The following FAM13A variants were observed in gnomAD, a reference collection of about 807,000 sequenced individuals.
FAM13A encodes the protein family with sequence similarity 13 member A.
FAM13A carries 76 observed loss-of-function variants against 129.6 expected under a neutral mutation model. The observed-to-expected ratio is 0.59, with a 90% CI of 0.49 to 0.71. FAM13A has a LOEUF of 0.71. FAM13A is among the 30% of genes least tolerant of loss of function. The pLI is 0.00. For missense variants in FAM13A, 1,108 were observed against 1,249.3 expected (o/e 0.89, Z 1.70); for synonymous variants, 443 against 449.9 (o/e 0.98, Z 0.20).
chr4:88,949,905 A>G (rs988269371), intron 4 of FAM13A, among the ~76,000 whole-genome samples: 1 of 152,194 alleles, frequency 6.6e-6, no homozygotes, highest in Non-Finnish European at 1.5e-5. Context: ...ATAAAACGTC[A>G]TAAGTGAAAG....
At chr4:88,961,602 TG>T (rs1437585584) in intron 4 of FAM13A, among the ~76,000 whole-genome samples, 2 of 151,932 alleles carry the variant, frequency 1.3e-5, no homozygotes, top group East Asian at 3.9e-4. Flanking sequence ...CTCCTGACCT[TG>T]TGATCTGCCC....
intron 3 of FAM13A, among the ~76,000 whole-genome samples, chr4:89,000,565 T>C (rs955242019): frequency 3.3e-5 from 5 of 152,204 alleles, no homozygotes; most frequent in African/African-American, 1.2e-4. Context: ...GGCATACGGT[T>C]TCTTTCTGGG....
intron 4 of FAM13A, among the ~76,000 whole-genome samples, chr4:88,948,267 GTTTAAC>G (rs1407629156): frequency 2.0e-5 from 3 of 152,116 alleles, no homozygotes; most frequent in East Asian, 1.9e-4. Context: ...TTGGAAAGCT[GTTTAAC>G]TTTAAACACT....
At position 88,728,646 on chromosome 4, in the gene FAM13A, C is replaced by T; in HGVS notation, c.2959G>A (p.Glu987Lys). 1 of 1,614,166 alleles carries T rather than the reference C, an allele frequency of 6.2e-7. No individual in the cohort carries two copies. Among genetic ancestry groups the T allele is most frequent in the South Asian group, 1.1e-5 (1 of 91,086 alleles). The change falls in exon 24 of 24, where the codon GAA (glutamate) becomes AAA (lysine). Residue 987 changes from glutamate to lysine, a missense_variant. By Grantham distance (56) the Glu-to-Lys change is moderately conservative. Around this residue, in one of 3 missense-constraint regions of FAM13A, gnomAD observed 529 missense variants for 621.2 expected, o/e 0.85. Coordinates refer to ENST00000264344, the MANE Select transcript of FAM13A (RefSeq NM_014883.4). ...FRQNGRNVQK[E>K]DRTPMAEEYS... is the part of the protein sequence containing the mutation. Reference sequence around the variant, plus strand: ...TCTTCAGCCATAGGAGTGCGGTCTTCCTTCTGGACATTTCTAATGCAAATA... The same window carrying T: ...TCTTCAGCCATAGGAGTGCGGTCTTTCTTCTGGACATTTCTAATGCAAATA...
At chr4:88,841,593 G>A (rs1302327435) in intron 7 of FAM13A, among the ~76,000 whole-genome samples, 1 of 150,532 alleles carries the variant, frequency 6.6e-6, no homozygotes, top group Middle Eastern at 3.2e-3. Context: ...CCAGAATAAA[G>A]AATTAACAGA....
At chr4:88,973,131 ATTTT>A (rs70959640) in intron 4 of FAM13A, among the ~76,000 whole-genome samples, 7 of 134,480 alleles carry the variant, frequency 5.2e-5, no homozygotes, top group Admixed American at 3.0e-4. Context: ...CCTAGGCATA[ATTTT>A]TTTTTTTTTT....
intron 3 of FAM13A, among the ~76,000 whole-genome samples, chr4:89,019,577 A>G (rs1276215617): frequency 7.9e-5 from 12 of 151,982 alleles, no homozygotes; most frequent in Non-Finnish European, 1.8e-4. Context: ...CCTGGCCAAC[A>G]TGGTGAAACC....
intron 2 of FAM13A, among the ~76,000 whole-genome samples, chr4:89,026,823 C>A (rs1452282809): frequency 6.6e-6 from 1 of 152,206 alleles, no homozygotes; most frequent in Non-Finnish European, 1.5e-5. Flanking sequence ...CCATATCAGT[C>A]ATCTACATGC....
intron 6 of FAM13A, among the ~76,000 whole-genome samples, chr4:88,889,808 G>A (rs1745051625): frequency 6.6e-6 from 1 of 152,172 alleles, no homozygotes; most frequent in Non-Finnish European, 1.5e-5. Flanking sequence ...GGGTCTTGCT[G>A]CCTAGGAATC....
chr4:88,853,622 A>G (rs555818161), intron 6 of FAM13A, among the ~76,000 whole-genome samples: 13 of 152,278 alleles, frequency 8.5e-5, no homozygotes, highest in Middle Eastern at 3.4e-3. Flanking sequence ...TTGTTTGACA[A>G]CATTTCATGG....
intron 1 of FAM13A, among the ~76,000 whole-genome samples, chr4:89,042,782 C>A (rs1303355565): frequency 6.6e-6 from 1 of 152,020 alleles, no homozygotes; most frequent in Non-Finnish European, 1.5e-5. Flanking sequence ...CCATTGATTT[C>A]TTTATCCAAA....
At chr4:88,895,906 C>A (rs1313223134) in intron 6 of FAM13A, among the ~76,000 whole-genome samples, 25 of 148,162 alleles carry the variant, frequency 1.7e-4, no homozygotes, top group African/African-American at 6.3e-4. Context: ...TTGACCCAGC[C>A]ATCGCATTAC....
At chr4:88,823,087 A>G (rs1342383859) in intron 7 of FAM13A, 3 of 1,596,442 alleles carry the variant, frequency 1.9e-6, no homozygotes, top group Admixed American at 1.8e-5. Context: ...ACGTCTTCTT[A>G]CAGTGGCTAA....
At position 88,805,037 on chromosome 4, in the gene FAM13A, T is replaced by C. The variant is rs1286965092; in HGVS notation, c.1023A>G (p.Glu341=). 1 of 1,547,582 alleles carries C rather than the reference T, an allele frequency of 6.5e-7. No homozygotes were observed. The highest frequency in any genetic ancestry group is 1.7e-5 in the Admixed American group (1 of 59,056). ...AKLVPSSQED[E]RPLSPFYLSA... ...TCAAATAGAAAGGTGACAGAGGTCT[T>C]TCATCTTCCTGTGAACTAAAAGGAA... is the stretch of plus-strand genomic sequence containing the variant. The change falls in exon 8 of 24, where the codon GAA becomes GAG. Residue 341 remains glutamate (E), a synonymous_variant. Coordinates refer to ENST00000264344, the MANE Select transcript of FAM13A (RefSeq NM_014883.4).
chr4:88,896,554 TA>T (rs1241342248), intron 6 of FAM13A, among the ~76,000 whole-genome samples: 1 of 152,236 alleles, frequency 6.6e-6, no homozygotes, highest in Non-Finnish European at 1.5e-5. Flanking sequence ...CAGGCATTTT[TA>T]AAAACATTAA....
intron 1 of FAM13A, among the ~76,000 whole-genome samples, chr4:89,050,496 G>T (rs1457898929): frequency 1.3e-5 from 2 of 152,072 alleles, no homozygotes; most frequent in African/African-American, 4.8e-5. Flanking sequence ...GTGAGCCACT[G>T]TGCCTGGACA....
At chr4:88,998,321 T>C (rs1763825841) in intron 3 of FAM13A, among the ~76,000 whole-genome samples, 1 of 152,194 alleles carries the variant, frequency 6.6e-6, no homozygotes. Flanking sequence ...ATAGAGAGAT[T>C]GATTAGCCTG....
At chr4:88,831,028 T>A (rs914689159) in intron 7 of FAM13A, among the ~76,000 whole-genome samples, 4 of 151,986 alleles carry the variant, frequency 2.6e-5, no homozygotes, top group Non-Finnish European at 5.9e-5. Context: ...TGAGGGACTA[T>A]AAAATTATCC....
At chr4:89,022,542 G>A (rs949269436) in intron 2 of FAM13A, among the ~76,000 whole-genome samples, 1 of 152,188 alleles carries the variant, frequency 6.6e-6, no homozygotes, top group East Asian at 1.9e-4. Flanking sequence ...AAATGGAAGA[G>A]ATACCAGTTG....
Sources: allele counts gnomAD v4.1 joint callset (sites outside exome capture counted in the v4.1 genomes callset), GRCh38; gene constraint gnomAD v4.1.1; regional missense constraint gnomAD v4.1.1; transcripts MANE v1.5; gene names NCBI Gene and HGNC (gene_info 2026-07-23, HGNC 2026-07-21).